Variants in PLPP4 observed in about 807,000 individuals in gnomAD.
The protein encoded by PLPP4 is phospholipid phosphatase 4.
In PLPP4, 20 loss-of-function variants were observed where a neutral mutation model predicts 32.2. That is an observed-to-expected ratio of 0.62 (90% CI 0.44 to 0.90). The LOEUF is 0.90. PLPP4 is among the 40% of genes least tolerant of loss of function. The pLI, the probability that PLPP4 is intolerant of heterozygous loss-of-function variation, is 0.00. For synonymous variants in PLPP4, 127 were observed against 133.0 expected, an observed-to-expected ratio of 0.95 and a Z score of 0.31; for missense variants, 257 against 353.1, an observed-to-expected ratio of 0.73 and a Z score of 2.18.
In PLPP4 at chr10:120,523,857, C is replaced by A. The variant is rs181141080; in HGVS notation, c.445+2762C>A. Among the ~76,000 whole-genome samples, 8 of 152,238 alleles carry A rather than the reference C, an allele frequency of 5.3e-5. No individual in the cohort carries two copies. The East Asian group carries it at 1.4e-3, about 26-fold the overall frequency. On this transcript the variant is annotated intron_variant, in intron 5 of 6. Coordinates refer to ENST00000398250, the MANE Select transcript of PLPP4 (RefSeq NM_001030059.3). ...CTACTGTTGCATTTGAACTTGGGAA[C>A]GAAATAGCTGTCATGTGAATATCTC...
intron 5 of PLPP4, among the ~76,000 whole-genome samples, chr10:120,567,482 C>T (rs1316027239): frequency 1.3e-5 from 2 of 152,194 alleles, no homozygotes; most frequent in Non-Finnish European, 2.9e-5. Context: ...GGGGACACCA[C>T]ACTGATTTGG....
intron 1 of PLPP4, among the ~76,000 whole-genome samples, chr10:120,502,031 T>C (rs749058201): frequency 3.3e-5 from 5 of 152,188 alleles, no homozygotes; most frequent in Admixed American, 6.5e-5. Context: ...TCCTCCATGC[T>C]GCTCTAGAGG....
At chr10:120,462,074 A>G (rs1848075799) in intron 1 of PLPP4, among the ~76,000 whole-genome samples, 1 of 152,318 alleles carries the variant, frequency 6.6e-6, no homozygotes, top group Admixed American at 6.5e-5. Context: ...AGGAGGATGC[A>G]TGTGCCAGGG....
chr10:120,580,678 C>CACAA (rs1554899936), intron 6 of PLPP4, among the ~76,000 whole-genome samples: 4,888 of 137,902 alleles, frequency 0.035, 142 homozygotes, highest in Middle Eastern at 0.091. Flanking sequence ...CACACACACA[C>CACAA]ACGGCTGAGG....
intron 1 of PLPP4, among the ~76,000 whole-genome samples, chr10:120,464,342 G>A (rs760484317): frequency 2.0e-5 from 3 of 152,208 alleles, no homozygotes; most frequent in African/African-American, 7.2e-5. Flanking sequence ...TCAGCAAATG[G>A]TGATGTTATT....
intron 6 of PLPP4, 48 bp downstream of exon 6, chr10:120,575,349 C>T (rs2134055505): frequency 6.3e-7 from 1 of 1,579,318 alleles, no homozygotes; most frequent in East Asian, 2.3e-5. Flanking sequence ...GGTTGCCCCT[C>T]TCCTCCAGGG....
At chr10:120,532,419 CA>C (rs1846782692) in intron 5 of PLPP4, among the ~76,000 whole-genome samples, 2 of 152,102 alleles carry the variant, frequency 1.3e-5, no homozygotes, top group African/African-American at 2.4e-5. Context: ...TAGATCTTGA[CA>C]TCAGACAAGA....
intron 4 of PLPP4, 136 bp downstream of exon 4, chr10:120,519,032 C>T: frequency 1.9e-6 from 1 of 529,920 alleles, no homozygotes; most frequent in Non-Finnish European, 3.3e-6. Flanking sequence ...TCTGAGATTT[C>T]CATCCTTAGC....
At chr10:120,519,262 A>C (rs1846056713) in intron 4 of PLPP4, among the ~76,000 whole-genome samples, 1 of 152,110 alleles carries the variant, frequency 6.6e-6, no homozygotes, top group Non-Finnish European at 1.5e-5. Context: ...AGGATGAGAC[A>C]TATGGATTGG....
chr10:120,535,866 T>C (rs554262760), intron 5 of PLPP4, among the ~76,000 whole-genome samples: 1 of 152,238 alleles, frequency 6.6e-6, no homozygotes, highest in East Asian at 1.9e-4. Flanking sequence ...ATAGCAGCTA[T>C]TTTGTGTGGT....
chr10:120,507,672 G>A (rs748345452), intron 2 of PLPP4, among the ~76,000 whole-genome samples: 6 of 152,180 alleles, frequency 3.9e-5, no homozygotes, highest in Non-Finnish European at 7.3e-5. Context: ...GTGGAGAGGC[G>A]TGTAAAGGCA....
intron 4 of PLPP4, 92 bp from the exon 5 acceptor site, chr10:120,520,879 A>T (rs1449688975): frequency 2.7e-5 from 40 of 1,471,536 alleles, no homozygotes; most frequent in Non-Finnish European, 3.6e-5. Context: ...CTGAGGAAAG[A>T]GCTGGGGGCA....
At position 120,537,744 on chromosome 10, in the gene PLPP4, A is replaced by G. The variant is rs535316941; in HGVS notation, c.445+16649A>G. On this transcript the variant is annotated intron_variant, in intron 5 of 6. Transcript: ENST00000398250. ...GATGGATATGTACATCAGCTTGCTC[A>G]TGGGAATCTTTTCACAATAAATACA... Among the ~76,000 whole-genome samples the G allele has an allele frequency of 4.6e-5, 7 of 152,306 alleles. No homozygotes were observed. The East Asian group carries it at 1.3e-3, about 29-fold the overall frequency.
chr10:120,570,862 C>T (rs922523584), intron 5 of PLPP4, among the ~76,000 whole-genome samples: 1 of 152,100 alleles, frequency 6.6e-6, no homozygotes, highest in Non-Finnish European at 1.5e-5. Flanking sequence ...TACCCTCATT[C>T]GTAACAGCCA....
chr10:120,476,717 A>G (rs1028845089), intron 1 of PLPP4, among the ~76,000 whole-genome samples: 1 of 152,166 alleles, frequency 6.6e-6, no homozygotes, highest in Non-Finnish European at 1.5e-5. Flanking sequence ...CTCTACTTGT[A>G]TTACTCTAAT....
At chr10:120,574,164 ACACACTCTCTCTCTCTCTCT>A (rs761905313) in intron 5 of PLPP4, among the ~76,000 whole-genome samples, 131 of 67,634 alleles carry the variant, frequency 1.9e-3, no homozygotes, top group Admixed American at 4.1e-3. Flanking sequence ...ACACACACAC[ACACACTCTCTCTCTCTCTCT>A]CTCTCTCTCT....
intron 6 of PLPP4, among the ~76,000 whole-genome samples, chr10:120,586,986 C>T (rs1285084535): frequency 6.6e-6 from 1 of 151,816 alleles, no homozygotes; most frequent in East Asian, 1.9e-4. Context: ...ATAGAAATGA[C>T]ATTGAGCCCT....
chr10:120,457,093 C>T, upstream of PLPP4: 1 of 218,668 alleles, frequency 4.6e-6, no homozygotes, highest in Non-Finnish European at 8.8e-6. Flanking sequence ...CGCCAGCGGC[C>T]GGCGCGGCTT....
intron 6 of PLPP4, among the ~76,000 whole-genome samples, chr10:120,579,827 G>A (rs11199419): frequency 6.6e-6 from 1 of 151,896 alleles, no homozygotes; most frequent in African/African-American, 2.4e-5. Flanking sequence ...AGAAGTTGGG[G>A]CCGGGCGCGG....
Sources: allele counts gnomAD v4.1 joint callset (sites outside exome capture counted in the v4.1 genomes callset), GRCh38; gene constraint gnomAD v4.1.1; transcripts MANE v1.5; gene names NCBI Gene and HGNC (gene_info 2026-07-23, HGNC 2026-07-21).